The following GABRA3 variants were observed in gnomAD, a reference collection of about 807,000 sequenced individuals.
GABRA3 encodes the protein gamma-aminobutyric acid type A receptor subunit alpha3.
A neutral mutation model predicts 30.1 loss-of-function variants in GABRA3; 10 were observed. The observed-to-expected ratio is 0.33, with a 90% confidence interval of 0.20 to 0.56. GABRA3 has a LOEUF of 0.56. GABRA3 is among the 20% of genes least tolerant of loss of function. GABRA3 has a pLI of 0.89. For missense variants in GABRA3, 233 were observed against 392.0 expected (o/e 0.59, Z 3.42); for synonymous variants, 151 against 146.8 (o/e 1.03, Z -0.21).
intron 5 of GABRA3, among the ~76,000 whole-genome samples, chrX:152,239,418 G>T (rs1190990211): frequency 3.9e-5 from 4 of 102,993 alleles, no homozygotes; most frequent in African/African-American, 1.1e-4. Context: ...TTCCAACTAT[G>T]TGGTCAATTT....
chrX:152,200,884 T>C (rs1237664257), intron 7 of GABRA3, among the ~76,000 whole-genome samples: 2 of 112,437 alleles, frequency 1.8e-5, no homozygotes, highest in Non-Finnish European at 3.8e-5. Flanking sequence ...TCTCCTTTTC[T>C]ATACTTCTTT....
intron 9 of GABRA3, among the ~76,000 whole-genome samples, chrX:152,186,377 A>G (rs207479038): frequency 9.2e-6 from 1 of 109,280 alleles, no homozygotes; most frequent in Non-Finnish European, 1.9e-5. Context: ...AATTTTTTGT[A>G]TTTTTGTAGA....
intron 7 of GABRA3, among the ~76,000 whole-genome samples, chrX:152,200,599 G>C (rs1339967659): frequency 2.7e-5 from 3 of 110,151 alleles, no homozygotes; most frequent in African/African-American, 9.9e-5. Context: ...CACTGAGAAG[G>C]CATTGGGGAT....
At chrX:152,314,522 T>C (rs1603239842) in intron 3 of GABRA3, among the ~76,000 whole-genome samples, 1 of 112,335 alleles carries the variant, frequency 8.9e-6, no homozygotes, top group African/African-American at 3.2e-5. Context: ...TCCCACATGA[T>C]CTGGCTTCTG....
At chrX:152,327,520 T>A (rs1223505081) in intron 3 of GABRA3, among the ~76,000 whole-genome samples, 97 of 111,912 alleles carry the variant, frequency 8.7e-4, no homozygotes, top group African/African-American at 3.0e-3. Flanking sequence ...CACAGTGCAA[T>A]CAAACTAGAA....
intron 9 of GABRA3, among the ~76,000 whole-genome samples, chrX:152,179,067 G>C (rs1255538597): frequency 1.8e-5 from 2 of 111,912 alleles, no homozygotes; most frequent in African/African-American, 6.5e-5. Context: ...AATCCCTGTA[G>C]TAGCCATCTG....
chrX:152,290,364 G>GT (rs1276403659), intron 3 of GABRA3, among the ~76,000 whole-genome samples: 1 of 111,351 alleles, frequency 9.0e-6, no homozygotes, highest in African/African-American at 3.3e-5. Context: ...GGGGTTGTTT[G>GT]TTTTTTTCTT....
intron 1 of GABRA3, among the ~76,000 whole-genome samples, chrX:152,427,525 C>G (rs1930541455): frequency 8.9e-6 from 1 of 111,798 alleles, no homozygotes; most frequent in Non-Finnish European, 1.9e-5. Flanking sequence ...GAAAATTTAC[C>G]TGTCATGTTC....
At chrX:152,307,330 C>T (rs1422519105) in intron 3 of GABRA3, among the ~76,000 whole-genome samples, 5 of 111,696 alleles carry the variant, frequency 4.5e-5, no homozygotes, top group Non-Finnish European at 9.4e-5. Context: ...ACTATCATAT[C>T]CATTATGGTA....
At chrX:152,340,022 A>T (rs979326992) in intron 3 of GABRA3, among the ~76,000 whole-genome samples, 1 of 111,777 alleles carries the variant, frequency 8.9e-6, no homozygotes, top group South Asian at 3.7e-4. Flanking sequence ...ATATTTAATG[A>T]GATTATCTGT....
chrX:152,303,052 G>C (rs1418452487), intron 3 of GABRA3, among the ~76,000 whole-genome samples: 2 of 111,745 alleles, frequency 1.8e-5, no homozygotes, highest in African/African-American at 6.5e-5. Flanking sequence ...TGGTGCATGT[G>C]TCTTTTTGGT....
chrX:152,418,081 A>G (rs1300559537), intron 1 of GABRA3, among the ~76,000 whole-genome samples: 2 of 111,430 alleles, frequency 1.8e-5, no homozygotes, highest in East Asian at 2.8e-4. Flanking sequence ...ATAGAATTAA[A>G]TATGTCATAA....
chrX:152,240,401 G>A (rs1341620132), intron 5 of GABRA3, among the ~76,000 whole-genome samples: 28 of 90,219 alleles, frequency 3.1e-4, no homozygotes, highest in Admixed American at 2.0e-3. Context: ...AGGGTAACCC[G>A]ACCTTTCTCT....
At chrX:152,340,301 T>C (rs1287423627) in intron 3 of GABRA3, among the ~76,000 whole-genome samples, 2 of 112,437 alleles carry the variant, frequency 1.8e-5, no homozygotes, top group Admixed American at 1.9e-4. Context: ...TTCATTGACA[T>C]ACATTTTCCT....
At chrX:152,378,503 T>C (rs1162326179) in intron 1 of GABRA3, among the ~76,000 whole-genome samples, 1 of 111,290 alleles carries the variant, frequency 9.0e-6, no homozygotes, top group African/African-American at 3.3e-5. Flanking sequence ...AAATAGACTG[T>C]ATGTCTTCTA....
rs765050527 is a variant in GABRA3 at position 152,188,246 on chromosome X, G to A, written c.1143+1484C>T. On this transcript the variant is annotated intron_variant, in intron 9 of 9. Transcript: ENST00000370314. ...ACTTGTACCCCTGAACTTAAAAAAA[G>A]GAATTGATGTAAATATACAATGAAT... Among the ~76,000 whole-genome samples, 101 of 111,297 alleles carry A rather than the reference G, an allele frequency of 9.1e-4. 1 individual carries two copies. The highest frequency in any genetic ancestry group is 1.3e-3 in the Non-Finnish European group (67 of 52,964).
At chrX:152,276,105 A>G (rs1322833787) in intron 4 of GABRA3, among the ~76,000 whole-genome samples, 1 of 110,792 alleles carries the variant, frequency 9.0e-6, no homozygotes, top group African/African-American at 3.3e-5. Flanking sequence ...AAATACATTC[A>G]TTATTAAACA....
intron 5 of GABRA3, chrX:152,250,775 T>G (rs1208854166): frequency 8.3e-6 from 1 of 119,779 alleles, no homozygotes; most frequent in Non-Finnish European, 1.7e-5. Context: ...TACATACCCA[T>G]GCAATGCTTG....
At chrX:152,282,760 C>A (rs993347674) in intron 4 of GABRA3, among the ~76,000 whole-genome samples, 3 of 111,717 alleles carry the variant, frequency 2.7e-5, no homozygotes, top group African/African-American at 9.8e-5. Flanking sequence ...GTGTGTCCTT[C>A]TCTGGTATGC....
Sources: allele counts gnomAD v4.1 joint callset (sites outside exome capture counted in the v4.1 genomes callset), GRCh38; gene constraint gnomAD v4.1.1; transcripts MANE v1.5; gene names NCBI Gene and HGNC (gene_info 2026-07-23, HGNC 2026-07-21).